Variants in RBMS3 observed in about 807,000 individuals in gnomAD.
RBMS3 encodes the protein RNA binding motif single stranded interacting protein 3.
A neutral mutation model predicts 66.8 loss-of-function variants in RBMS3; 27 were observed. The ratio of observed to expected loss-of-function variants is 0.40; its 90% CI spans 0.30 to 0.56. The LOEUF (loss-of-function observed/expected upper bound fraction) is 0.56. Ranked by LOEUF, RBMS3 falls within the 20% of genes least tolerant of loss-of-function variation. The pLI, the probability that RBMS3 is intolerant of heterozygous loss-of-function variation, is 0.40. For missense variants in RBMS3, 513 were observed against 549.5 expected, an observed-to-expected ratio of 0.93 and a Z score of 0.66; for synonymous variants, 188 against 183.0, an observed-to-expected ratio of 1.03 and a Z score of -0.22.
intron 6 of RBMS3, among the ~76,000 whole-genome samples, chr3:29,777,192 C>T (rs1421668246): frequency 3.3e-5 from 5 of 151,794 alleles, no homozygotes; most frequent in Non-Finnish European, 7.4e-5. Context: ...CTTCCCTTTC[C>T]TTAACTCTCA....
chr3:29,754,451 C>T (rs1481805533), intron 5 of RBMS3, among the ~76,000 whole-genome samples: 3 of 152,114 alleles, frequency 2.0e-5, no homozygotes, highest in Admixed American at 6.5e-5. Flanking sequence ...GAATGTTCAA[C>T]CAAGAATGGA....
At chr3:29,485,845 G>A (rs1362890357) in intron 2 of RBMS3, among the ~76,000 whole-genome samples, 1 of 152,072 alleles carries the variant, frequency 6.6e-6, no homozygotes, top group East Asian at 1.9e-4. Flanking sequence ...TTAGATTTCT[G>A]CTTCCAATGG....
chr3:29,679,430 T>C (rs1267520193), intron 4 of RBMS3, among the ~76,000 whole-genome samples: 1 of 152,176 alleles, frequency 6.6e-6, no homozygotes, highest in Non-Finnish European at 1.5e-5. Context: ...AAGAAGCTTA[T>C]TAAAATGAAT....
chr3:29,373,345 A>G (rs530315484), intron 1 of RBMS3, among the ~76,000 whole-genome samples: 20 of 152,356 alleles, frequency 1.3e-4, no homozygotes, highest in African/African-American at 4.3e-4. Flanking sequence ...TCCCCCTAAA[A>G]GAAATTTTGG....
chr3:29,694,782 A>C (rs1460381819), intron 4 of RBMS3, among the ~76,000 whole-genome samples: 1 of 152,154 alleles, frequency 6.6e-6, no homozygotes, highest in African/African-American at 2.4e-5. Context: ...AAAAATTAAA[A>C]ACTGTTCTTA....
chr3:29,798,017 C>T (rs2057257428), intron 6 of RBMS3, among the ~76,000 whole-genome samples: 1 of 151,530 alleles, frequency 6.6e-6, no homozygotes, highest in East Asian at 2.0e-4. Context: ...AATGGTGAGG[C>T]CTGAGGACAA....
intron 4 of RBMS3, among the ~76,000 whole-genome samples, chr3:29,723,394 A>G (rs2053727269): frequency 6.6e-6 from 1 of 152,176 alleles, no homozygotes; most frequent in Non-Finnish European, 1.5e-5. Flanking sequence ...AGCTTTTATT[A>G]TACTTTAAGT....
chr3:29,539,893 C>A (rs1230159551), intron 3 of RBMS3, among the ~76,000 whole-genome samples: 1 of 152,174 alleles, frequency 6.6e-6, no homozygotes, highest in Non-Finnish European at 1.5e-5. Flanking sequence ...CAGTTTATTT[C>A]TTGAAGAATT....
At chr3:29,368,828 A>G (rs545983600) in intron 1 of RBMS3, among the ~76,000 whole-genome samples, 4 of 152,298 alleles carry the variant, frequency 2.6e-5, no homozygotes, top group African/African-American at 9.6e-5. Context: ...CTGAGTATAT[A>G]CCCAAACGAA....
chr3:29,514,320 G>T (rs1052654756), intron 3 of RBMS3, among the ~76,000 whole-genome samples: 1 of 152,042 alleles, frequency 6.6e-6, no homozygotes, highest in Non-Finnish European at 1.5e-5. Flanking sequence ...GCAACCTAAA[G>T]CTACTCAGAC....
chr3:29,762,951 T>G lies in RBMS3; in HGVS notation c.599T>G (p.Phe200Cys). The change falls in exon 6 of 15, where the codon TTT (phenylalanine) becomes TGT (cysteine). Residue 200 changes from phenylalanine (F) to cysteine (C), a missense_variant. Coordinates refer to ENST00000383767, the MANE Select transcript of RBMS3 (RefSeq NM_001003793.3). The part of the protein sequence containing the change: ...TEKCEVVIQH[F>C]NGKYLKTPPG... Reference sequence around the variant, plus strand: ...AAATGTGAAGTGGTAATTCAACATTTTAATGGAAAATATCTGAAAACACCA... The same window carrying G: ...AAATGTGAAGTGGTAATTCAACATTGTAATGGAAAATATCTGAAAACACCA... 6.2e-7 allele frequency: 1 copy of G among 1,610,192 alleles called. No individual in the cohort carries two copies. The highest frequency in any genetic ancestry group is 8.5e-7 in the Non-Finnish European group (1 of 1,178,014).
chr3:29,973,430 C>T (rs1235113023), intron 12 of RBMS3, among the ~76,000 whole-genome samples: 1 of 151,952 alleles, frequency 6.6e-6, no homozygotes, highest in East Asian at 1.9e-4. Flanking sequence ...GTAAGATTAA[C>T]AAGGAGAAAT....
chr3:29,982,865 G>A (rs1398297979), intron 12 of RBMS3, among the ~76,000 whole-genome samples: 4 of 152,196 alleles, frequency 2.6e-5, no homozygotes, highest in African/African-American at 7.2e-5. Context: ...ATGTGGTGCT[G>A]AGAAGAATGT....
chr3:29,843,880 G>C (rs776064930), intron 6 of RBMS3, among the ~76,000 whole-genome samples: 13 of 151,826 alleles, frequency 8.6e-5, no homozygotes, highest in Non-Finnish European at 2.9e-5. Flanking sequence ...ACCGGGAAGC[G>C]GGCAGAGGTT....
At chr3:29,626,739 G>A (rs1490623597) in intron 4 of RBMS3, among the ~76,000 whole-genome samples, 1 of 152,118 alleles carries the variant, frequency 6.6e-6, no homozygotes, top group African/African-American at 2.4e-5. Context: ...ATATTACAAA[G>A]TGTAATATAG....
At chr3:29,608,090 T>C (rs1213158616) in intron 4 of RBMS3, among the ~76,000 whole-genome samples, 1 of 151,826 alleles carries the variant, frequency 6.6e-6, no homozygotes, top group Admixed American at 6.6e-5. Flanking sequence ...ACTTTCTCAC[T>C]CTTCAAGAAT....
At chr3:29,829,108 G>A (rs1461586626) in intron 6 of RBMS3, among the ~76,000 whole-genome samples, 2 of 151,554 alleles carry the variant, frequency 1.3e-5, no homozygotes, top group South Asian at 2.1e-4. Flanking sequence ...ATAATGGCAC[G>A]ATCTTGGCTC....
chr3:29,590,344 G>A (rs1478307725), intron 4 of RBMS3, among the ~76,000 whole-genome samples: 1 of 151,994 alleles, frequency 6.6e-6, no homozygotes, highest in Non-Finnish European at 1.5e-5. Flanking sequence ...ATAGAGCCTA[G>A]ATCATAGTAA....
intron 1 of RBMS3, among the ~76,000 whole-genome samples, chr3:29,313,969 C>T (rs984028319): frequency 5.9e-5 from 9 of 151,670 alleles, no homozygotes; most frequent in African/African-American, 2.2e-4. Context: ...ACACAGAAAT[C>T]TCCTTGCTGT....
Sources: gnomAD v4.1 joint callset for allele counts (sites outside exome capture counted in the v4.1 genomes callset) on GRCh38, gnomAD v4.1.1 for gene constraint, MANE v1.5 for transcripts, NCBI Gene and HGNC (gene_info 2026-07-23, HGNC 2026-07-21) for gene names.